LTN1: variants seen among roughly 807,000 people sequenced by gnomAD.
LTN1 encodes the protein listerin E3 ubiquitin protein ligase 1.
Under a neutral mutation model 201.2 loss-of-function variants are expected in LTN1, and 88 were observed. The ratio of observed to expected loss-of-function variants is 0.44; its 90% CI spans 0.37 to 0.52. LTN1 has a LOEUF of 0.52. Ranked by LOEUF, LTN1 falls within the 20% of genes least tolerant of loss-of-function variation. The probability of loss-of-function intolerance (pLI) is 0.00; values close to 1 mark genes in which losing one functional copy is unlikely to be tolerated. For missense variants in LTN1, 1,752 were observed against 2,038.7 expected (o/e 0.86, Z 2.71); for synonymous variants, 645 against 713.5 (o/e 0.90, Z 1.53).
Position 28,966,688 on chromosome 21 carries a change from A to G in LTN1, c.1803T>C (p.Ser601=). 6.2e-7 allele frequency: 1 copy of G among 1,613,988 alleles called. No homozygotes were observed. Among genetic ancestry groups the G allele is most frequent in the South Asian group, 1.1e-5 (1 of 91,046 alleles). ...EDLVCKLADI[S]INYVNERKSE... ...ACTTTCGTTCATTGACATAATTAAT[A>G]CTTATATCTGCGAGTTTACAGACTA... The change falls in exon 10 of 30, where the codon AGT becomes AGC. Residue 601 remains serine (S), a synonymous_variant. Transcript: ENST00000361371.
chr21:28,939,224 T>G (rs1000903828), intron 25 of LTN1, among the ~76,000 whole-genome samples: 2 of 152,204 alleles, frequency 1.3e-5, no homozygotes, highest in African/African-American at 4.8e-5. Flanking sequence ...AAGATGTGCA[T>G]AGGTTAGATG....
intron 1 of LTN1, among the ~76,000 whole-genome samples, chr21:28,989,026 ATTT>A (rs985299041): frequency 3.9e-5 from 6 of 152,162 alleles, no homozygotes; most frequent in African/African-American, 1.4e-4. Context: ...GCTGTTCTCT[ATTT>A]TTTAAGTTTA....
chr21:28,959,984 A>G (rs2084462040), intron 12 of LTN1: 2 of 263,160 alleles, frequency 7.6e-6, no homozygotes, highest in Non-Finnish European at 1.4e-5. Flanking sequence ...AAAAAAAAAA[A>G]CCCTTTAGGA....
Position 28,986,681 on chromosome 21 carries a change from T to G in LTN1, c.246+50A>C, listed in dbSNP as rs2146318841. The G allele has an allele frequency of 7.1e-7, 1 of 1,401,672 alleles. No individual in the cohort carries two copies. Among genetic ancestry groups the G allele is most frequent in the Non-Finnish European group, 1.0e-6 (1 of 996,774 alleles). 86.8% of individuals were successfully genotyped at this position (1,401,672 alleles called of 1,614,324 possible). The stretch of plus-strand genomic sequence containing the variant: ...ATAAAACATGCTAATGACATTTTAT[T>G]TTAACAAAGGGATTTTCTTGATAAT... On this transcript the variant is annotated intron_variant, in intron 2 of 29. Transcript: ENST00000361371. This position sits in a 1 kb window ranked among gnomAD's most constrained non-coding sequence, Gnocchi z 4.1.
At chr21:28,937,078 C>A (rs2084262540) in intron 25 of LTN1, among the ~76,000 whole-genome samples, 1 of 152,170 alleles carries the variant, frequency 6.6e-6, no homozygotes, top group Admixed American at 6.5e-5. Context: ...CGACAGAGAG[C>A]ACAAACTAGT....
At chr21:28,948,322 G>A (rs1311758664) in intron 18 of LTN1, among the ~76,000 whole-genome samples, 2 of 144,554 alleles carry the variant, frequency 1.4e-5, no homozygotes, top group African/African-American at 2.6e-5. Flanking sequence ...CCAGGCTGGG[G>A]TGCAATGCAC....
At chr21:28,967,871 T>C (rs190433310) in intron 9 of LTN1, 35 of 152,166 alleles carry the variant, frequency 2.3e-4, no homozygotes, top group Admixed American at 1.8e-3. Flanking sequence ...ATAGTCAGAA[T>C]TGAATTGGAG....
rs57646126 is a variant in LTN1 at position 28,959,613 on chromosome 21, G to C, written c.2438C>G (p.Ala813Gly). The change falls in exon 13 of 30, where the codon GCT (alanine) becomes GGT (glycine). Residue 813 changes from alanine to glycine, a missense_variant. Ala to Gly is a moderately conservative substitution (Grantham distance 60). This residue lies in a region of LTN1 where 1,211 missense variants were observed against 1,312.8 expected (regional missense o/e 0.92). Transcript: ENST00000361371. Reference sequence around the variant, plus strand: ...AGACACTGATGAGTCACTGCTTTCAGCTTCTGATAATTTCTTTGTTTTGAA... The same window carrying C: ...AGACACTGATGAGTCACTGCTTTCACCTTCTGATAATTTCTTTGTTTTGAA... ...TLFKTKKLSE[A>G]ESSDSSVSFI... is the part of the protein sequence containing the mutation. 1 of 1,613,780 alleles carries C rather than the reference G, an allele frequency of 6.2e-7. No homozygotes were observed. Among genetic ancestry groups the C allele is most frequent in the South Asian group, 1.1e-5 (1 of 91,080 alleles).
intron 27 of LTN1, among the ~76,000 whole-genome samples, chr21:28,934,014 C>T (rs1377964948): frequency 6.6e-6 from 1 of 152,060 alleles, no homozygotes; most frequent in African/African-American, 2.4e-5. Context: ...TTCATTTTCC[C>T]CATAACAAAA....
In LTN1 at chr21:28,986,529, A is replaced by T. The variant is rs998964612; in HGVS notation, c.246+202T>A. ...TACAGCCAAAATTCCAAAGCACTTT[A>T]AAAAAGTTCACTGTAACAAACTAAT... On this transcript the variant is annotated intron_variant, in intron 2 of 29. Coordinates refer to ENST00000361371, the MANE Select transcript of LTN1 (RefSeq NM_015565.3). The surrounding 1 kb of genome is among the most constrained non-coding windows in gnomAD (Gnocchi z 4.1). The T allele has an allele frequency of 1.1e-5, 7 of 654,702 alleles. No homozygotes were observed. Among genetic ancestry groups the T allele is most frequent in the East Asian group, 2.8e-5 (1 of 36,126 alleles). The allele number at this position is 654,702 out of a possible 1,614,324, so 40.6% of individuals were successfully genotyped here.
rs1334275509 is a variant in LTN1 at position 28,966,636 on chromosome 21, T to C, written c.1855A>G (p.Thr619Ala). The stretch of plus-strand genomic sequence containing the variant: ...CTTGAAGAAAAGGAGTCAAGCAGAG[T>C]AGAAAGAAACCTTAGATGTTGCTCT... ...KSEQHLRFLS[T>A]LLDSFSSSRV... Residue 619 changes from threonine (T) to alanine (A), a missense_variant, in exon 10 of 30, where the codon ACT (threonine) becomes GCT (alanine). Physicochemically the swap from Thr to Ala is moderately conservative, Grantham distance 58 (BLOSUM62 0). Transcript: ENST00000361371. 5 of 1,613,984 alleles carry C rather than the reference T, an allele frequency of 3.1e-6. No individual in the cohort carries two copies. The highest frequency in any genetic ancestry group is 1.7e-5 in the Admixed American group (1 of 60,000).
intron 13 of LTN1, among the ~76,000 whole-genome samples, chr21:28,958,775 C>A (rs532580278): frequency 5.7e-4 from 87 of 152,194 alleles, no homozygotes; most frequent in Non-Finnish European, 1.0e-3. Flanking sequence ...TTTAAAGTTA[C>A]ATTTTTTATG....
intron 6 of LTN1, among the ~76,000 whole-genome samples, chr21:28,976,743 T>C (rs1220967610): frequency 6.6e-6 from 1 of 152,124 alleles, no homozygotes; most frequent in Non-Finnish European, 1.5e-5. Context: ...TTTGAGAAAT[T>C]CAACAAATGT....
At chr21:28,988,755 CAGG>C (rs970145806) in intron 1 of LTN1, among the ~76,000 whole-genome samples, 1 of 151,776 alleles carries the variant, frequency 6.6e-6, no homozygotes, top group Non-Finnish European at 1.5e-5. Context: ...CACCTGAGAT[CAGG>C]AGTTCAAGAC....
chr21:28,970,247 T>C (rs2084562537), intron 8 of LTN1, among the ~76,000 whole-genome samples: 1 of 152,210 alleles, frequency 6.6e-6, no homozygotes, highest in Non-Finnish European at 1.5e-5. Flanking sequence ...AAAAAATGGC[T>C]ACATGTGTCT....
Position 28,956,806 on chromosome 21 carries a change from A to G in LTN1, c.3035T>C (p.Leu1012Pro). 6.2e-7 allele frequency: 1 copy of G among 1,609,328 alleles called. No individual in the cohort carries two copies. Among genetic ancestry groups the G allele is most frequent in the Non-Finnish European group, 8.5e-7 (1 of 1,177,546 alleles). ...ATTTTCTAAGACTGTTTCCTTTCTC[A>G]GTGCAATTAAGACCATTTTGCTCAA... Reference protein sequence around the residue: ...ALLSKMVLIALRKETVLENNE... With the variant: ...ALLSKMVLIAPRKETVLENNE... The change falls in exon 16 of 30, where the codon CTG (leucine) becomes CCG (proline). Residue 1012 changes from leucine to proline, a missense_variant. Coordinates refer to ENST00000361371, the MANE Select transcript of LTN1 (RefSeq NM_015565.3).
Position 28,929,821 on chromosome 21 carries a change from T to C in LTN1, c.*627A>G, listed in dbSNP as rs2146248294. On this transcript the variant is annotated 3_prime_UTR_variant, in exon 30 of 30. Coordinates refer to ENST00000361371, the MANE Select transcript of LTN1 (RefSeq NM_015565.3). ...AAGGTCAGCATCAAGAATTTAATTT[T>C]CTGAGTTTCATAACCCTTGATAAAT... is the stretch of plus-strand genomic sequence containing the variant. 6.6e-6 allele frequency: 1 copy of C among 152,308 alleles called. No homozygotes were observed. Among genetic ancestry groups the C allele is most frequent in the East Asian group, 1.9e-4 (1 of 5,188 alleles). 9.4% of individuals were successfully genotyped at this position (152,308 alleles called of 1,614,324 possible). A position where few individuals can be genotyped will look rare whatever the true frequency, so the allele number is the denominator to read the frequency against.
Position 28,941,405 on chromosome 21 carries a change from A to T in LTN1, c.4297T>A (p.Ser1433Thr). ...AGAGACATCAGTGCTGCTGGTGGTGACCTAAGAATCAATGATTAAACACCA... is the reference window on the plus strand; with the variant it reads ...AGAGACATCAGTGCTGCTGGTGGTGTCCTAAGAATCAATGATTAAACACCA... The part of the protein sequence containing the change: ...YGDEEEEPAL[S>T]PPAALMSLLS... The change falls in exon 25 of 30, where the codon TCA becomes ACA. Residue 1433 changes from serine (S) to threonine (T), a missense_variant and splice_region_variant. By Grantham distance (58) the Ser-to-Thr change is moderately conservative. Transcript: ENST00000361371. 1.2e-6 allele frequency: 2 copies of T among 1,601,272 alleles called. No homozygotes were observed. The highest frequency in any genetic ancestry group is 1.7e-6 in the Non-Finnish European group (2 of 1,176,356).
chr21:28,970,409 A>C, intron 8 of LTN1, 143 bp downstream of exon 8: 1 of 645,544 alleles, frequency 1.5e-6, no homozygotes, highest in Non-Finnish European at 2.6e-6. Context: ...TCAAGAAAAA[A>C]ATATCAATTG....
Sources: allele counts gnomAD v4.1 joint callset (sites outside exome capture counted in the v4.1 genomes callset), GRCh38; gene constraint gnomAD v4.1.1; regional missense constraint gnomAD v4.1.1; non-coding constraint Gnocchi (gnomAD v3.1); transcripts MANE v1.5; gene names NCBI Gene and HGNC (gene_info 2026-07-23, HGNC 2026-07-21).